NACC2: variants seen among roughly 807,000 people sequenced by gnomAD.
NACC2 encodes NACC family member 2, also known as nucleus accumbens-associated protein 2.
Under a neutral mutation model 25.1 loss-of-function variants are expected in NACC2, and 8 were observed. The ratio of observed to expected loss-of-function variants is 0.32; its 90% CI spans 0.19 to 0.57. The LOEUF is 0.57. Ranked by LOEUF, NACC2 falls within the 20% of genes least tolerant of loss-of-function variation. The probability of loss-of-function intolerance (pLI) is 0.89; values close to 1 mark genes in which losing one functional copy is unlikely to be tolerated. For missense variants in NACC2, 644 were observed against 650.2 expected (o/e 0.99, Z 0.10); for synonymous variants, 435 against 294.7 (o/e 1.48, Z -4.88).
chr9:136,024,207 A>T lies in NACC2; in HGVS notation c.887-7778T>A, dbSNP rs573359615. On this transcript the variant is annotated intron_variant, in intron 2 of 5. Transcript: ENST00000277554. ...ACGGAGTGTGTGTGTGTGAGGACAG[A>T]GTGTGTGTGTGTGAGGACAGAGGGT... 4.4e-4 allele frequency among the ~76,000 whole-genome samples: 39 copies of T among 88,880 alleles called. No homozygotes were observed. In the South Asian group the frequency reaches 5.1e-3, roughly 12 times the overall value. 58.3% of individuals were successfully genotyped at this position (88,880 alleles called of 152,430 possible).
At position 136,013,032 on chromosome 9, in the gene NACC2, G is replaced by A. The variant is rs1840136140; in HGVS notation, c.1255+167C>T. On this transcript the variant is annotated intron_variant, in intron 5 of 5. Coordinates refer to ENST00000277554, the MANE Select transcript of NACC2 (RefSeq NM_144653.5). The surrounding 1 kb of genome is among the most constrained non-coding windows in gnomAD (Gnocchi z 6.6). Reference sequence around the variant, plus strand: ...TAACACCTCGAGACCTGGCTTCTGAGAGCTGCTCTTTTCTCCTCATCTTCC... The same window carrying A: ...TAACACCTCGAGACCTGGCTTCTGAAAGCTGCTCTTTTCTCCTCATCTTCC... Among the ~76,000 whole-genome samples the A allele has an allele frequency of 3.9e-5, 6 of 152,242 alleles. No homozygotes were observed. The South Asian group carries it at 1.2e-3, about 31-fold the overall frequency.
chr9:136,061,586 G>T (rs1040738419), intron 1 of NACC2, among the ~76,000 whole-genome samples: 1 of 152,124 alleles, frequency 6.6e-6, no homozygotes, highest in African/African-American at 2.4e-5. Flanking sequence ...ACACGTTCGG[G>T]GGTTGAGACC....
intron 2 of NACC2, among the ~76,000 whole-genome samples, chr9:136,048,058 C>T (rs1405604547): frequency 2.0e-5 from 3 of 152,214 alleles, no homozygotes; most frequent in Non-Finnish European, 2.9e-5. Context: ...GTCGGCAACC[C>T]GTCGGCAGGG....
intron 1 of NACC2, among the ~76,000 whole-genome samples, chr9:136,068,939 T>TG (rs1482370492): frequency 9.7e-5 from 14 of 144,024 alleles, no homozygotes; most frequent in Admixed American, 2.1e-4. Flanking sequence ...TTTTTAAAGA[T>TG]GGAGTTTTAC....
intron 1 of NACC2, among the ~76,000 whole-genome samples, chr9:136,083,595 G>A (rs983944643): frequency 6.6e-6 from 1 of 152,234 alleles, no homozygotes; most frequent in Non-Finnish European, 1.5e-5. Flanking sequence ...TGTGAAGAGC[G>A]CCGTGCAGAG....
In NACC2 at chr9:136,013,153, A is replaced by T; in HGVS notation, c.1255+46T>A. On this transcript the variant is annotated intron_variant, in intron 5 of 5. Transcript: ENST00000277554. The surrounding 1 kb of genome is among the most constrained non-coding windows in gnomAD (Gnocchi z 6.6). The stretch of plus-strand genomic sequence containing the variant: ...CCAGTCCTCCTCAGGCTGGGATCTG[A>T]ACCCAGCCCCGGCCCCACCCACCCG... The T allele has an allele frequency of 2.7e-6, 3 of 1,105,876 alleles. No individual in the cohort carries two copies. The highest frequency in any genetic ancestry group is 4.1e-6 in the Non-Finnish European group (3 of 732,660). The allele number at this position is 1,105,876 out of a possible 1,614,324, so 68.5% of individuals were successfully genotyped here.
rs926451172 is a variant in NACC2 at position 136,019,096 on chromosome 9, C to G, written c.887-2667G>C. ...GCTGCTGGCTAAAAACACCCCGCCC[C>G]GAGTGGAAGCTCGTCCGCAAAGGTG... On this transcript the variant is annotated intron_variant, in intron 2 of 5. Transcript: ENST00000277554. The surrounding 1 kb of genome is among the most constrained non-coding windows in gnomAD (Gnocchi z 5.2). 8 of 152,220 alleles carry G rather than the reference C, an allele frequency of 5.3e-5. No homozygotes were observed. Among genetic ancestry groups the G allele is most frequent in the African/African-American group, 1.9e-4 (8 of 41,438 alleles). The allele number at this position is 152,220 out of a possible 1,614,324, so 9.4% of individuals were successfully genotyped here.
At position 136,013,138 on chromosome 9, in the gene NACC2, T is replaced by G; in HGVS notation, c.1255+61A>C. 4 of 1,313,936 alleles carry G rather than the reference T, an allele frequency of 3.0e-6. No individual in the cohort carries two copies. Among genetic ancestry groups the G allele is most frequent in the Non-Finnish European group, 4.3e-6 (4 of 928,612 alleles). The allele number at this position is 1,313,936 out of a possible 1,614,324, so 81.4% of individuals were successfully genotyped here. Reference sequence around the variant, plus strand: ...ACCCCCGCGGCCCACCCAGTCCTCCTCAGGCTGGGATCTGAACCCAGCCCC... The same window carrying G: ...ACCCCCGCGGCCCACCCAGTCCTCCGCAGGCTGGGATCTGAACCCAGCCCC... On this transcript the variant is annotated intron_variant, in intron 5 of 5. Transcript: ENST00000277554. This position sits in a 1 kb window ranked among gnomAD's most constrained non-coding sequence, Gnocchi z 6.6.
intron 1 of NACC2, among the ~76,000 whole-genome samples, chr9:136,074,489 G>C (rs1249521706): frequency 4.4e-5 from 4 of 90,982 alleles, no homozygotes; most frequent in Non-Finnish European, 7.1e-5. Context: ...AGAAAACAAA[G>C]TTCTTCATTC....
intron 1 of NACC2, among the ~76,000 whole-genome samples, chr9:136,090,269 G>A (rs1433421427): frequency 6.6e-6 from 1 of 152,194 alleles, no homozygotes. Context: ...GTCCCTGGGA[G>A]GAGGAAGATG....
chr9:136,059,586 C>T (rs1352437139), intron 1 of NACC2, among the ~76,000 whole-genome samples: 1 of 152,222 alleles, frequency 6.6e-6, no homozygotes, highest in East Asian at 1.9e-4. Context: ...CAAGTCCCTC[C>T]TCCAGCAACG....
intron 1 of NACC2, among the ~76,000 whole-genome samples, chr9:136,082,724 G>GC (rs1490685846): frequency 1.3e-5 from 2 of 152,198 alleles, no homozygotes; most frequent in Non-Finnish European, 2.9e-5. Flanking sequence ...CCTCAATCCA[G>GC]CGTGTGCACC....
chr9:136,042,746 A>G (rs1005037851), intron 2 of NACC2, among the ~76,000 whole-genome samples: 1 of 150,742 alleles, frequency 6.6e-6, no homozygotes, highest in Non-Finnish European at 1.5e-5. Flanking sequence ...ACACAGACAC[A>G]GAGACAGAGA....
rs1386989361 is a variant in NACC2 at position 136,018,022 on chromosome 9, G to T, written c.887-1593C>A. On this transcript the variant is annotated intron_variant, in intron 2 of 5. Transcript: ENST00000277554. This position sits in a 1 kb window ranked among gnomAD's most constrained non-coding sequence, Gnocchi z 4.4. ...GTGATGGGAAGTCCCCCGGTGGGGG[G>T]CGGGGGGCAGCTTGCAGGACCTGCT... Among the ~76,000 whole-genome samples, 1 of 152,156 alleles carries T rather than the reference G, an allele frequency of 6.6e-6. No individual in the cohort carries two copies. The highest frequency in any genetic ancestry group is 1.5e-5 in the Non-Finnish European group (1 of 68,002).
rs1840025609 is a variant in NACC2, at chr9:136,007,170, A to G, written c.*4346T>C. The G allele has an allele frequency of 6.5e-6, 1 of 154,424 alleles. No homozygotes were observed. Among genetic ancestry groups the G allele is most frequent in the Non-Finnish European group, 1.5e-5 (1 of 68,216 alleles). 9.6% of individuals were successfully genotyped at this position (154,424 alleles called of 1,614,324 possible). A position where few individuals can be genotyped will look rare whatever the true frequency, so the allele number is the denominator to read the frequency against. Reference sequence around the variant, plus strand: ...CAATCGTGTACGATGCTAACAATGGAAGCGACTGATCGGAATACGAGCCGG... The same window carrying G: ...CAATCGTGTACGATGCTAACAATGGGAGCGACTGATCGGAATACGAGCCGG... On this transcript the variant is annotated 3_prime_UTR_variant, in exon 6 of 6. Transcript: ENST00000277554.
intron 2 of NACC2, among the ~76,000 whole-genome samples, chr9:136,025,368 C>G (rs1034532874): frequency 6.6e-6 from 1 of 152,116 alleles, no homozygotes. Context: ...TCCCAGAAAA[C>G]AGAACCAAAT....
At position 136,093,031 on chromosome 9, in the gene NACC2, G is replaced by C. The variant is rs540858323; in HGVS notation, c.-60+2158C>G. Among the ~76,000 whole-genome samples the C allele has an allele frequency of 3.7e-4, 57 of 152,310 alleles. 1 individual carries two copies. The highest frequency in any genetic ancestry group is 5.4e-4 in the Non-Finnish European group (37 of 68,024). ...CCACTGACGGTGGCTGGGGCCACTG[G>C]GCACTCGGTGCCCTGTGCGTTCCAG... is the stretch of plus-strand genomic sequence containing the variant. On this transcript the variant is annotated intron_variant, in intron 1 of 5. Transcript: ENST00000277554.
intron 1 of NACC2, among the ~76,000 whole-genome samples, chr9:136,065,130 G>A (rs550373056): frequency 6.6e-6 from 1 of 152,182 alleles, no homozygotes; most frequent in Non-Finnish European, 1.5e-5. Context: ...ATAAATCTTT[G>A]TGGTCTTGGG....
rs1378153534 is a variant in NACC2, at chr9:136,050,529, G to A, written c.-8C>T. 7 of 758,126 alleles carry A rather than the reference G, an allele frequency of 9.2e-6. No individual in the cohort carries two copies. In the East Asian group the frequency reaches 1.5e-4, roughly 16 times the overall value. The allele number at this position is 758,126 out of a possible 1,614,324, so 47.0% of individuals were successfully genotyped here. A position where few individuals can be genotyped will look rare whatever the true frequency, so the allele number is the denominator to read the frequency against. The stretch of plus-strand genomic sequence containing the variant: ...GTGCAGCATCTGAGACATGGCGGGC[G>A]GGCAGCGGCGGGGCTGGGCTCTCAG... On this transcript the variant is annotated 5_prime_UTR_variant, in exon 2 of 6. Transcript: ENST00000277554.
Sources: allele counts gnomAD v4.1 joint callset (sites outside exome capture counted in the v4.1 genomes callset), GRCh38; gene constraint gnomAD v4.1.1; non-coding constraint Gnocchi (gnomAD v3.1); transcripts MANE v1.5; gene names NCBI Gene and HGNC (gene_info 2026-07-23, HGNC 2026-07-21).